PCDHGA8: variants seen among roughly 807,000 people sequenced by gnomAD.
The protein encoded by PCDHGA8 is protocadherin gamma subfamily A, 8, also known as protocadherin gamma-A8.
Under a neutral mutation model 59.2 loss-of-function variants are expected in PCDHGA8, and 45 were observed. The observed-to-expected ratio is 0.76, with a 90% CI of 0.60 to 0.98. The LOEUF (loss-of-function observed/expected upper bound fraction) is 0.98, where lower values mean the gene tolerates loss of function less well. Ranked by LOEUF, PCDHGA8 falls within the 50% of genes least tolerant of loss-of-function variation. The pLI is 0.00. For synonymous variants in PCDHGA8, 531 were observed against 519.0 expected, an observed-to-expected ratio of 1.02 and a Z score of -0.32; for missense variants, 1,257 against 1,196.2, an observed-to-expected ratio of 1.05 and a Z score of -0.75.
Position 141,460,747 on chromosome 5 carries a change from G to A in PCDHGA8, c.2425-34060G>A, listed in dbSNP as rs148154304. On this transcript the variant is annotated intron_variant, in intron 1 of 3. Transcript: ENST00000398604. ...GCATATATACACATTGTATATATAT[G>A]TGTACATATACATATTGCATATGTA... Among the ~76,000 whole-genome samples, 351 of 151,000 alleles carry A rather than the reference G, an allele frequency of 2.3e-3. 2 individuals are homozygous for A. The highest frequency in any genetic ancestry group is 6.8e-3 in the Middle Eastern group (2 of 294).
intron 1 of PCDHGA8, among the ~76,000 whole-genome samples, chr5:141,484,774 C>T (rs1269490742): frequency 6.6e-6 from 1 of 151,782 alleles, no homozygotes; most frequent in Non-Finnish European, 1.5e-5. Context: ...ATGTTGTCTG[C>T]CTCCCCACAG....
rs777566456 is a variant in PCDHGA8, at chr5:141,405,216, A to G, written c.2424+9979A>G. On this transcript the variant is annotated intron_variant, in intron 1 of 3. Coordinates refer to ENST00000398604, the MANE Select transcript of PCDHGA8 (RefSeq NM_032088.2). ...CGAGCTTTCCTACAGACCTATTCTCAGGAGTTCTCCCTCACCGCTGACTCA... is the reference window on the plus strand; with the variant it reads ...CGAGCTTTCCTACAGACCTATTCTCGGGAGTTCTCCCTCACCGCTGACTCA... 27 of 1,613,806 alleles carry G rather than the reference A, an allele frequency of 1.7e-5. No individual in the cohort carries two copies. In the Admixed American group the frequency reaches 2.7e-4, roughly 16 times the overall value.
chr5:141,440,008 C>G, intron 1 of PCDHGA8: 1 of 153,238 alleles, frequency 6.5e-6, no homozygotes. Context: ...GAAACCTTGC[C>G]AAGGATCTGG....
intron 1 of PCDHGA8, among the ~76,000 whole-genome samples, chr5:141,467,954 C>T (rs1467826790): frequency 1.3e-5 from 2 of 152,070 alleles, no homozygotes; most frequent in Admixed American, 6.6e-5. Flanking sequence ...CCACCACACC[C>T]GGCTGCCAGA....
intron 1 of PCDHGA8, chr5:141,399,919 G>A: frequency 6.2e-7 from 1 of 1,612,300 alleles, no homozygotes; most frequent in Non-Finnish European, 8.5e-7. Flanking sequence ...AGGACACAAC[G>A]CCTGGCTGTC....
intron 1 of PCDHGA8, among the ~76,000 whole-genome samples, chr5:141,434,700 G>A (rs1041657389): frequency 6.6e-6 from 1 of 151,780 alleles, no homozygotes; most frequent in Non-Finnish European, 1.5e-5. Context: ...TAATAAATAT[G>A]TGGGTAAATC....
At chr5:141,419,311 C>G (rs745852942) in intron 1 of PCDHGA8, 1 of 1,613,994 alleles carries the variant, frequency 6.2e-7, no homozygotes, top group Non-Finnish European at 8.5e-7. Flanking sequence ...TCGGGCTCAA[C>G]GGCCGTGTCT....
intron 2 of PCDHGA8, among the ~76,000 whole-genome samples, chr5:141,499,796 C>T (rs2099794539): frequency 6.6e-6 from 1 of 150,412 alleles, no homozygotes; most frequent in South Asian, 2.1e-4. Context: ...AAGCAATTCT[C>T]ATGCTTCAGC....
intron 2 of PCDHGA8, among the ~76,000 whole-genome samples, chr5:141,495,262 A>G (rs550950979): frequency 1.3e-5 from 2 of 152,246 alleles, no homozygotes; most frequent in South Asian, 2.1e-4. Flanking sequence ...GCAGAAAAGC[A>G]TTTGACCGGA....
intron 1 of PCDHGA8, chr5:141,478,925 G>T: frequency 1.4e-6 from 1 of 700,562 alleles, no homozygotes; most frequent in Non-Finnish European, 2.2e-6. Context: ...TCTAACCAGT[G>T]GCAGCTTCTA....
At position 141,491,605 on chromosome 5, in the gene PCDHGA8, T is replaced by C; in HGVS notation, c.2425-3202T>C. On this transcript the variant is annotated intron_variant, in intron 1 of 3. Coordinates refer to ENST00000398604, the MANE Select transcript of PCDHGA8 (RefSeq NM_032088.2). This position sits in a 1 kb window ranked among gnomAD's most constrained non-coding sequence, Gnocchi z 6.9. Reference sequence around the variant, plus strand: ...GGCCTCGGACGGCAGTGACTTCACTTTTCTAAGACCCCTCAGCGTTCAGCA... The same window carrying C: ...GGCCTCGGACGGCAGTGACTTCACTCTTCTAAGACCCCTCAGCGTTCAGCA... 6.2e-7 allele frequency: 1 copy of C among 1,613,868 alleles called. No individual in the cohort carries two copies. Among genetic ancestry groups the C allele is most frequent in the East Asian group, 2.2e-5 (1 of 44,858 alleles).
intron 3 of PCDHGA8, among the ~76,000 whole-genome samples, chr5:141,508,957 C>T (rs1242113190): frequency 6.6e-6 from 1 of 151,976 alleles, no homozygotes; most frequent in Non-Finnish European, 1.5e-5. Context: ...GAAATGTCAG[C>T]GGAATGAAAG....
chr5:141,397,910 C>T lies in PCDHGA8; in HGVS notation c.2424+2673C>T. 5 of 680,806 alleles carry T rather than the reference C, an allele frequency of 7.3e-6. No individual in the cohort carries two copies. The South Asian group carries it at 8.1e-5, about 11-fold the overall frequency. 42.2% of individuals were successfully genotyped at this position (680,806 alleles called of 1,614,324 possible). On this transcript the variant is annotated intron_variant, in intron 1 of 3. Transcript: ENST00000398604. ...TGGCCAAAGTGCAGAGCTTGGCGCT[C>T]CAGATCTCCTCGCGCAGCCGCAGCG...
At chr5:141,403,266 A>G in intron 1 of PCDHGA8, 11 of 1,613,858 alleles carry the variant, frequency 6.8e-6, no homozygotes, top group Non-Finnish European at 9.3e-6. Context: ...TGTCTGGTGA[A>G]CTTTAAAGTC....
At position 141,458,567 on chromosome 5, in the gene PCDHGA8, T is replaced by TTTTG. The variant is rs144471304; in HGVS notation, c.2425-36224_2425-36221dup. Among the ~76,000 whole-genome samples the TTTTG allele has an allele frequency of 8.6e-5, 13 of 151,610 alleles. No individual in the cohort carries two copies. The East Asian group carries it at 1.5e-3, about 18-fold the overall frequency. On this transcript the variant is annotated intron_variant, in intron 1 of 3. Coordinates refer to ENST00000398604, the MANE Select transcript of PCDHGA8 (RefSeq NM_032088.2). ...TTGTTTGTTTGTTTTGGTTTTGGGT[T>TTTTG]TTTGTTTGTTTGTTTGTTTTGGAGA...
chr5:141,433,108 G>A (rs2097568903), intron 1 of PCDHGA8: 2 of 1,614,146 alleles, frequency 1.2e-6, no homozygotes, highest in East Asian at 2.2e-5. Context: ...TCAGCCAGGA[G>A]AGCTTTGAAA....
At chr5:141,413,805 C>T (rs772637762) in intron 1 of PCDHGA8, 1 of 1,613,166 alleles carries the variant, frequency 6.2e-7, no homozygotes, top group South Asian at 1.1e-5. Flanking sequence ...AGGAAGAGGC[C>T]ATTCACCACC....
chr5:141,473,254 T>C (rs1203765731), intron 1 of PCDHGA8, among the ~76,000 whole-genome samples: 5 of 152,152 alleles, frequency 3.3e-5, no homozygotes, highest in African/African-American at 4.8e-5. Context: ...ACATATATAG[T>C]CCTTAGTGTA....
At chr5:141,483,179 G>C (rs2099577971) in intron 1 of PCDHGA8, among the ~76,000 whole-genome samples, 2 of 152,294 alleles carry the variant, frequency 1.3e-5, no homozygotes, top group African/African-American at 4.8e-5. Flanking sequence ...TTTGGGCCAA[G>C]CCAAGGAGTT....
Sources: gnomAD v4.1 joint callset for allele counts (sites outside exome capture counted in the v4.1 genomes callset) on GRCh38, gnomAD v4.1.1 for gene constraint, Gnocchi (gnomAD v3.1) non-coding constraint, MANE v1.5 for transcripts, NCBI Gene and HGNC (gene_info 2026-07-23, HGNC 2026-07-21) for gene names.